TAF1B: variants seen among roughly 807,000 people sequenced by gnomAD.
TAF1B encodes TATA box-binding protein-associated factor RNA polymerase I subunit B.
Under a neutral mutation model 83.9 loss-of-function variants are expected in TAF1B, and 61 were observed. That is an observed-to-expected ratio of 0.73 (90% CI 0.59 to 0.90). TAF1B has a LOEUF of 0.90. Ranked by LOEUF, TAF1B falls within the 40% of genes least tolerant of loss-of-function variation. TAF1B has a pLI of 0.00. For missense variants in TAF1B, 625 were observed against 677.0 expected, an observed-to-expected ratio of 0.92 and a Z score of 0.85; for synonymous variants, 221 against 224.6, an observed-to-expected ratio of 0.98 and a Z score of 0.14.
At chr2:9,877,476 A>G (rs1194669126) in intron 7 of TAF1B, among the ~76,000 whole-genome samples, 2 of 152,136 alleles carry the variant, frequency 1.3e-5, no homozygotes, top group Admixed American at 6.5e-5. Context: ...TATATGTCCA[A>G]AAACTCACAG....
intron 14 of TAF1B, among the ~76,000 whole-genome samples, chr2:9,923,550 A>G (rs1314520239): frequency 2.6e-5 from 4 of 151,958 alleles, no homozygotes; most frequent in African/African-American, 4.8e-5. Flanking sequence ...GTGGTGGCGC[A>G]TGCCTGTAAT....
At chr2:9,870,253 G>A (rs1347551312) in intron 6 of TAF1B, among the ~76,000 whole-genome samples, 2 of 152,156 alleles carry the variant, frequency 1.3e-5, no homozygotes, top group East Asian at 3.9e-4. Flanking sequence ...ATTTTGGGAG[G>A]CCAAGGAGGG....
At position 9,843,530 on chromosome 2, in the gene TAF1B, C is replaced by T. The variant is rs544086969; in HGVS notation, c.-12C>T. The T allele has an allele frequency of 8.0e-5, 122 of 1,522,512 alleles. No individual in the cohort carries two copies. The African/African-American group carries it at 1.4e-3, about 17-fold the overall frequency. 94.3% of individuals were successfully genotyped at this position (1,522,512 alleles called of 1,614,324 possible). On this transcript the variant is annotated 5_prime_UTR_variant, in exon 1 of 15. Transcript: ENST00000263663. The stretch of plus-strand genomic sequence containing the variant: ...AACGGGTCCCGGCTGTGGAAGCTCC[C>T]GCGGCGCCGCGATGGACCTCGAGGA...
chr2:9,869,153 G>C (rs770405179), intron 6 of TAF1B, among the ~76,000 whole-genome samples: 3 of 152,098 alleles, frequency 2.0e-5, no homozygotes, highest in Non-Finnish European at 4.4e-5. Flanking sequence ...GAAGATATTA[G>C]CTCCTTTTAA....
intron 8 of TAF1B, among the ~76,000 whole-genome samples, chr2:9,893,300 A>G (rs1276723342): frequency 2.6e-5 from 4 of 152,178 alleles, no homozygotes; most frequent in African/African-American, 9.7e-5. Flanking sequence ...ATTATAAGTT[A>G]TATCCATCCT....
Position 9,904,880 on chromosome 2 carries a change from A to G in TAF1B, c.829A>G (p.Ile277Val). 3 of 1,610,938 alleles carry G rather than the reference A, an allele frequency of 1.9e-6. No individual in the cohort carries two copies. Among genetic ancestry groups the G allele is most frequent in the Non-Finnish European group, 2.5e-6 (3 of 1,177,194 alleles). ...GIESWPDYED[I>V]YKKTVEVGTF... ...TCAGTCTTGGCCTGACTACGAGGACATCTACAAAAAAACAGTAGAAGTTGG... is the reference window on the plus strand; with the variant it reads ...TCAGTCTTGGCCTGACTACGAGGACGTCTACAAAAAAACAGTAGAAGTTGG... Residue 277 changes from isoleucine to valine, a missense_variant, in exon 9 of 15, where the codon ATC becomes GTC. Transcript: ENST00000263663.
intron 9 of TAF1B, among the ~76,000 whole-genome samples, chr2:9,910,342 C>T (rs1052769783): frequency 3.9e-5 from 6 of 152,158 alleles, no homozygotes; most frequent in African/African-American, 1.4e-4. Context: ...TTGAGGGCTT[C>T]CAGTGTGCTA....
intron 8 of TAF1B, among the ~76,000 whole-genome samples, chr2:9,899,048 A>T (rs1389283669): frequency 6.6e-6 from 1 of 151,854 alleles, no homozygotes; most frequent in East Asian, 1.9e-4. Context: ...GTAAGTGTGC[A>T]GCTCAGTGGT....
At chr2:9,904,830 C>T (rs766854077) in intron 8 of TAF1B, 29 bp from the exon 9 acceptor site, 104 of 1,585,650 alleles carry the variant, frequency 6.6e-5, no homozygotes, top group Non-Finnish European at 8.9e-5. Context: ...GCAAAAATTG[C>T]AACTATGATG....
intron 7 of TAF1B, among the ~76,000 whole-genome samples, chr2:9,876,628 A>G (rs1182821539): frequency 6.6e-6 from 1 of 152,140 alleles, no homozygotes; most frequent in Non-Finnish European, 1.5e-5. Context: ...CTTGCTTTAT[A>G]TGTGTTCTGA....
At chr2:9,913,278 C>T in intron 12 of TAF1B, 29 bp downstream of exon 12, 1 of 1,553,190 alleles carries the variant, frequency 6.4e-7, no homozygotes, top group Non-Finnish European at 8.9e-7. Context: ...TTTAGATGCA[C>T]CTGCCTTACT....
chr2:9,865,543 C>G (rs1483940027), intron 5 of TAF1B, among the ~76,000 whole-genome samples: 1 of 152,138 alleles, frequency 6.6e-6, no homozygotes, highest in East Asian at 1.9e-4. Context: ...TCAATGCTAT[C>G]CCCATCAAGC....
chr2:9,864,348 A>G (rs1663889746), intron 5 of TAF1B, among the ~76,000 whole-genome samples: 1 of 152,208 alleles, frequency 6.6e-6, no homozygotes, highest in African/African-American at 2.4e-5. Context: ...GAAGAAATGA[A>G]TAAATTCCTC....
At chr2:9,863,031 A>G (rs986912159) in intron 5 of TAF1B, among the ~76,000 whole-genome samples, 2 of 152,240 alleles carry the variant, frequency 1.3e-5, no homozygotes, top group African/African-American at 4.8e-5. Flanking sequence ...AAGAAACTGC[A>G]TCAACTAACG....
chr2:9,853,226 G>A (rs1572214280), intron 4 of TAF1B, among the ~76,000 whole-genome samples: 1 of 151,624 alleles, frequency 6.6e-6, no homozygotes, highest in South Asian at 2.1e-4. Context: ...TAGCCAATGA[G>A]CATAACTGTT....
At position 9,875,984 on chromosome 2, in the gene TAF1B, C is replaced by T. The variant is rs1297408955; in HGVS notation, c.673C>T (p.Gln225Ter). The stretch of plus-strand genomic sequence containing the variant: ...CTTCTGTTATCTGTCCTTACTTTGG[C>T]AGAGAGAAGCAATAACACTTTCAGA... Reference protein sequence around the residue: ...LAFCYLSLLWQREAITLSDLL... With the variant: ...LAFCYLSLLW Residue 225 changes from glutamine (Q) to a stop codon, truncating the protein, a stop_gained, in exon 7 of 15, where the codon CAG (glutamine) becomes TAG (stop). Transcript: ENST00000263663. LOFTEE classifies it high-confidence loss of function. 6.2e-7 allele frequency: 1 copy of T among 1,612,220 alleles called. No individual in the cohort carries two copies. Among genetic ancestry groups the T allele is most frequent in the East Asian group, 2.2e-5 (1 of 44,834 alleles).
chr2:9,928,051 G>A (rs1265483994), intron 14 of TAF1B, among the ~76,000 whole-genome samples: 4 of 152,272 alleles, frequency 2.6e-5, no homozygotes, highest in South Asian at 2.1e-4. Flanking sequence ...TAAGGTGTAA[G>A]GAAGGGATCC....
chr2:9,882,165 GCGTTAGCTCACTGCAA>G (rs1306137063), intron 7 of TAF1B, among the ~76,000 whole-genome samples: 1 of 151,920 alleles, frequency 6.6e-6, no homozygotes, highest in Non-Finnish European at 1.5e-5. Flanking sequence ...GAGTGCAGTG[GCGTTAGCTCACTGCAA>G]CCTCCGCCTC....
In TAF1B at chr2:9,868,340, G is replaced by A; in HGVS notation, c.464G>A (p.Ser155Asn). 1 of 1,614,214 alleles carries A rather than the reference G, an allele frequency of 6.2e-7. No homozygotes were observed. The part of the protein sequence containing the change: ...ASEPELLSDV[S>N]CPPFLESGAE... ...GAGCCTGAGCTGCTAAGTGATGTCAGCTGTCCTCCTTTTCTTGAAAGTGGA... is the reference window on the plus strand; with the variant it reads ...GAGCCTGAGCTGCTAAGTGATGTCAACTGTCCTCCTTTTCTTGAAAGTGGA... Residue 155 changes from serine (S) to asparagine (N), a missense_variant, in exon 6 of 15, where the codon AGC becomes AAC. Transcript: ENST00000263663.
Sources: gnomAD v4.1 joint callset for allele counts (sites outside exome capture counted in the v4.1 genomes callset) on GRCh38, gnomAD v4.1.1 for gene constraint, MANE v1.5 for transcripts, NCBI Gene and HGNC (gene_info 2026-07-23, HGNC 2026-07-21) for gene names.